Variants in RAB28 observed in about 807,000 individuals in gnomAD.
RAB28 encodes RAB28, member RAS oncogene family.
Under a neutral mutation model 31.7 loss-of-function variants are expected in RAB28, and 24 were observed. The observed-to-expected ratio is 0.76, with a 90% CI of 0.55 to 1.06. The LOEUF is 1.06. Among genes scored for constraint, RAB28 ranks in the 50% least tolerant of loss-of-function variants. RAB28 has a pLI of 0.00. For missense variants in RAB28, 254 were observed against 258.5 expected, an observed-to-expected ratio of 0.98 and a Z score of 0.12; for synonymous variants, 100 against 90.4, an observed-to-expected ratio of 1.11 and a Z score of -0.60.
intron 4 of RAB28, among the ~76,000 whole-genome samples, chr4:13,414,143 T>G (rs1712615152): frequency 6.6e-6 from 1 of 152,114 alleles, no homozygotes; most frequent in Admixed American, 6.5e-5. Flanking sequence ...AAAGCTACGG[T>G]TTCTAACAGT....
chr4:13,415,790 G>C (rs1020963547), intron 4 of RAB28, among the ~76,000 whole-genome samples: 1 of 152,222 alleles, frequency 6.6e-6, no homozygotes, highest in Non-Finnish European at 1.5e-5. Context: ...GGGACTGGCA[G>C]GCAGCTCCAC....
chr4:13,475,421 AATG>A (rs370873789), intron 2 of RAB28, among the ~76,000 whole-genome samples: 273 of 151,766 alleles, frequency 1.8e-3, no homozygotes, highest in African/African-American at 6.3e-3. Context: ...GAAACTGAAA[AATG>A]ATCTCATTTC....
intron 4 of RAB28, among the ~76,000 whole-genome samples, chr4:13,451,440 T>C (rs1010248069): frequency 1.3e-5 from 2 of 151,072 alleles, no homozygotes; most frequent in African/African-American, 2.4e-5. Flanking sequence ...GGTTTTTTGC[T>C]GTTGAGATGT....
At chr4:13,417,246 G>T (rs940517075) in intron 4 of RAB28, among the ~76,000 whole-genome samples, 3 of 152,306 alleles carry the variant, frequency 2.0e-5, no homozygotes, top group African/African-American at 7.2e-5. Flanking sequence ...GCTCAAACTG[G>T]GTGAAGCCTA....
intron 4 of RAB28, among the ~76,000 whole-genome samples, chr4:13,445,313 G>A (rs1276248741): frequency 6.6e-6 from 1 of 151,726 alleles, no homozygotes; most frequent in African/African-American, 2.4e-5. Flanking sequence ...TCTTTGCATT[G>A]GGTTATAGCT....
At chr4:13,466,918 G>C (rs1715873014) in intron 3 of RAB28, among the ~76,000 whole-genome samples, 1 of 151,942 alleles carries the variant, frequency 6.6e-6, no homozygotes, top group African/African-American at 2.4e-5. Flanking sequence ...TAAGTGAAAT[G>C]AGCCAGGCAC....
intron 4 of RAB28, among the ~76,000 whole-genome samples, chr4:13,433,230 C>T (rs770337756): frequency 1.6e-4 from 23 of 145,980 alleles, no homozygotes; most frequent in Non-Finnish European, 3.0e-4. Flanking sequence ...AAAAAAAAGA[C>T]AAAGAACAGC....
chr4:13,464,490 A>G lies in RAB28; in HGVS notation c.262-3662T>C, dbSNP rs532430201. 2.3e-4 allele frequency among the ~76,000 whole-genome samples: 35 copies of G among 152,182 alleles called. No homozygotes were observed. In the South Asian group the frequency reaches 4.3e-3, roughly 19 times the overall value. On this transcript the variant is annotated intron_variant, in intron 3 of 6. Coordinates refer to ENST00000330852, the MANE Select transcript of RAB28 (RefSeq NM_001017979.3). The stretch of plus-strand genomic sequence containing the variant: ...ACAGTCCCGAAATACAAGCCCACTA[A>G]AGACTAAAACTTTATCATAAGAATA...
intron 4 of RAB28, among the ~76,000 whole-genome samples, chr4:13,450,166 A>AT (rs1315933960): frequency 2.6e-5 from 4 of 151,954 alleles, no homozygotes; most frequent in African/African-American, 4.8e-5. Flanking sequence ...ACAGATTATG[A>AT]TTTTTTAACT....
chr4:13,459,486 C>G (rs1715477506), intron 4 of RAB28, among the ~76,000 whole-genome samples: 1 of 152,146 alleles, frequency 6.6e-6, no homozygotes, highest in Admixed American at 6.5e-5. Flanking sequence ...CAACACATGA[C>G]TATATTTGAA....
At chr4:13,455,295 G>T (rs766564756) in intron 4 of RAB28, among the ~76,000 whole-genome samples, 12 of 152,210 alleles carry the variant, frequency 7.9e-5, no homozygotes, top group Non-Finnish European at 1.2e-4. Flanking sequence ...GATCTCTCCT[G>T]CTCAGGGGAA....
At chr4:13,475,543 T>C (rs963912608) in intron 2 of RAB28, among the ~76,000 whole-genome samples, 1 of 151,604 alleles carries the variant, frequency 6.6e-6, no homozygotes, top group African/African-American at 2.4e-5. Flanking sequence ...AGACATTTGA[T>C]TAACCAGCAC....
At chr4:13,421,733 C>T (rs549258103) in intron 4 of RAB28, among the ~76,000 whole-genome samples, 6 of 152,120 alleles carry the variant, frequency 3.9e-5, no homozygotes, top group Non-Finnish European at 8.8e-5. Context: ...TTCCTTACAC[C>T]TTATACAAAA....
chr4:13,417,458 A>G (rs962358952), intron 4 of RAB28, among the ~76,000 whole-genome samples: 3 of 152,192 alleles, frequency 2.0e-5, no homozygotes, highest in Non-Finnish European at 2.9e-5. Context: ...CCTGACCCCT[A>G]TGTAGCCTAA....
At chr4:13,409,122 A>G (rs1309975156) in intron 4 of RAB28, among the ~76,000 whole-genome samples, 1 of 152,190 alleles carries the variant, frequency 6.6e-6, no homozygotes, top group Non-Finnish European at 1.5e-5. Flanking sequence ...TGGGGTCAAA[A>G]GTGACATTAA....
intron 4 of RAB28, among the ~76,000 whole-genome samples, chr4:13,407,358 T>C (rs1384631903): frequency 6.6e-6 from 1 of 152,194 alleles, no homozygotes; most frequent in African/African-American, 2.4e-5. Flanking sequence ...TCTGTTCCAT[T>C]GGTCTGTATA....
intron 4 of RAB28, among the ~76,000 whole-genome samples, chr4:13,386,345 T>C (rs1005068790): frequency 6.6e-6 from 1 of 152,072 alleles, no homozygotes; most frequent in Non-Finnish European, 1.5e-5. Context: ...GGAGAAAAGT[T>C]TGCAAACTAT....
At chr4:13,434,374 A>T (rs185911164) in intron 4 of RAB28, among the ~76,000 whole-genome samples, 160 of 152,334 alleles carry the variant, frequency 1.1e-3, no homozygotes, top group Admixed American at 2.0e-3. Flanking sequence ...ATTTGACAAG[A>T]TTTAACCATG....
chr4:13,446,549 G>A (rs1215165288), intron 4 of RAB28, among the ~76,000 whole-genome samples: 6 of 152,178 alleles, frequency 3.9e-5, no homozygotes, highest in Admixed American at 3.9e-4. Flanking sequence ...GTGGAAAAGC[G>A]TAGCACCCGG....
Sources: gnomAD v4.1 joint callset for allele counts (sites outside exome capture counted in the v4.1 genomes callset) on GRCh38, gnomAD v4.1.1 for gene constraint, MANE v1.5 for transcripts, NCBI Gene and HGNC (gene_info 2026-07-23, HGNC 2026-07-21) for gene names.